The following DNAI7 variants were observed in gnomAD, a reference collection of about 807,000 sequenced individuals.
DNAI7 encodes the protein cancer susceptibility 1.
A neutral mutation model predicts 86.6 loss-of-function variants in DNAI7; 78 were observed. That is an observed-to-expected ratio of 0.90 (90% confidence interval 0.75 to 1.09). The LOEUF is 1.09. DNAI7 is among the 50% of genes least tolerant of loss of function. The pLI is 0.00. For synonymous variants in DNAI7, 274 were observed against 273.0 expected (o/e 1.00, Z -0.04); for missense variants, 753 against 810.2 (o/e 0.93, Z 0.86).
chr12:25,193,810 T>C (rs1950758212), intron 1 of DNAI7, among the ~76,000 whole-genome samples: 1 of 119,838 alleles, frequency 8.3e-6, no homozygotes, highest in Admixed American at 9.7e-5. Flanking sequence ...TGCTCTCCAC[T>C]CCCTATTTCT....
intron 4 of DNAI7, among the ~76,000 whole-genome samples, chr12:25,157,852 T>TG (rs61444895): frequency 0.18 from 26,158 of 145,134 alleles, 2,323 homozygotes; most frequent in Middle Eastern, 0.24. Context: ...TTTTTTTTTT[T>TG]GTTCCTGTTA....
In DNAI7 at chr12:25,144,376, C is replaced by T. The variant is rs1349081080; in HGVS notation, c.991G>A (p.Glu331Lys). 6.2e-7 allele frequency: 1 copy of T among 1,612,372 alleles called. No homozygotes were observed. The highest frequency in any genetic ancestry group is 1.3e-5 in the African/African-American group (1 of 74,896). ...TAAATGTGTCCTACCATTTTCACTT[C>T]AATATCACCTTGTTCCTCCTCAACT... is the stretch of plus-strand genomic sequence containing the variant. ...IKVEEEQGDI[E>K]VKMSSAEEES... The change falls in exon 9 of 16, where the codon GAA becomes AAA. Residue 331 changes from glutamate to lysine, a missense_variant. Physicochemically the swap from Glu to Lys is moderately conservative, Grantham distance 56. Transcript: ENST00000395987.
Position 25,121,741 on chromosome 12 carries a change from G to C in DNAI7, c.1239+12C>G. 6.3e-7 allele frequency: 1 copy of C among 1,586,418 alleles called. No homozygotes were observed. Among genetic ancestry groups the C allele is most frequent in the Non-Finnish European group, 8.5e-7 (1 of 1,171,130 alleles). ...ATTTTACTTATAAGTTTTGATTCAA[G>C]AATCAACCTACTTCCACAATCATCC... On this transcript the variant is annotated intron_variant, in intron 11 of 15. Transcript: ENST00000395987.
intron 2 of DNAI7, among the ~76,000 whole-genome samples, chr12:25,189,912 C>G (rs1950348205): frequency 6.7e-6 from 1 of 150,294 alleles, no homozygotes; most frequent in South Asian, 2.1e-4. Flanking sequence ...TATTTAGGCC[C>G]AATGTTATCA....
At chr12:25,178,106 T>C (rs990390846) in intron 2 of DNAI7, among the ~76,000 whole-genome samples, 7 of 152,196 alleles carry the variant, frequency 4.6e-5, no homozygotes, top group Non-Finnish European at 1.0e-4. Context: ...CTTCAGATTA[T>C]CCATTTAACT....
intron 9 of DNAI7, among the ~76,000 whole-genome samples, chr12:25,124,227 G>A (rs1018087399): frequency 2.0e-5 from 3 of 152,038 alleles, no homozygotes; most frequent in African/African-American, 7.2e-5. Context: ...GTCCCCCTTA[G>A]TAGACTAGCC....
intron 10 of DNAI7, among the ~76,000 whole-genome samples, chr12:25,122,563 T>C (rs12424711): frequency 0.014 from 2,135 of 151,916 alleles, 154 homozygotes; most frequent in Admixed American, 0.11. Flanking sequence ...TCCTAGAAGT[T>C]ATGGGGAAAG....
At chr12:25,135,029 A>C (rs1943377979) in intron 9 of DNAI7, among the ~76,000 whole-genome samples, 1 of 152,208 alleles carries the variant, frequency 6.6e-6, no homozygotes, top group Admixed American at 6.5e-5. Flanking sequence ...GGAGACTCAC[A>C]TCATGAACTT....
intron 6 of DNAI7, among the ~76,000 whole-genome samples, chr12:25,150,236 T>G (rs1306301474): frequency 6.6e-6 from 1 of 152,128 alleles, no homozygotes; most frequent in Admixed American, 6.5e-5. Context: ...GACCTCTGAT[T>G]GGGGAAAATG....
chr12:25,174,595 T>TATATATC (rs1555181700), intron 2 of DNAI7, among the ~76,000 whole-genome samples: 2 of 71,446 alleles, frequency 2.8e-5, no homozygotes, highest in Admixed American at 1.5e-4. Flanking sequence ...ATATATGGGA[T>TATATATC]ATATATATGA....
At chr12:25,108,113 C>T, downstream of DNAI7, 1 of 1,580,734 alleles carries the variant, frequency 6.3e-7, no homozygotes, top group Non-Finnish European at 8.6e-7. Flanking sequence ...AGTATCTGAA[C>T]TTCGTAAATT....
At chr12:25,171,517 T>C (rs1948133416) in intron 2 of DNAI7, among the ~76,000 whole-genome samples, 1 of 152,062 alleles carries the variant, frequency 6.6e-6, no homozygotes, top group South Asian at 2.1e-4. Context: ...ACCACACAGA[T>C]TCACAGCAGA....
intron 9 of DNAI7, among the ~76,000 whole-genome samples, chr12:25,136,546 C>A (rs1275440560): frequency 6.6e-6 from 1 of 152,094 alleles, no homozygotes; most frequent in Non-Finnish European, 1.5e-5. Context: ...AGCAGTAGAT[C>A]CAAACCATGA....
chr12:25,114,946 A>C lies in DNAI7; in HGVS notation c.1397-76T>G, dbSNP rs542216559. On this transcript the variant is annotated intron_variant, in intron 12 of 15. Transcript: ENST00000395987. ...AAAAAGATAAATGAAAGCACCAAAA[A>C]AATTGCTTTGTGTATAAATTGATCT... The C allele has an allele frequency of 4.4e-6, 5 of 1,139,960 alleles. 1 individual carries two copies. The South Asian group carries it at 7.3e-5, about 17-fold the overall frequency. 70.6% of individuals were successfully genotyped at this position (1,139,960 alleles called of 1,614,324 possible). A position where few individuals can be genotyped will look rare whatever the true frequency, so the allele number is the denominator to read the frequency against.
intron 14 of DNAI7, 56 bp from the exon 15 acceptor site, chr12:25,110,296 C>G (rs1949710538): frequency 1.0e-6 from 1 of 954,712 alleles, no homozygotes; most frequent in Admixed American, 1.8e-5. Flanking sequence ...AAGTCTTCCT[C>G]CATCTTTGGC....
intron 11 of DNAI7, among the ~76,000 whole-genome samples, chr12:25,121,150 T>C (rs1941232719): frequency 6.6e-6 from 1 of 152,188 alleles, no homozygotes; most frequent in African/African-American, 2.4e-5. Flanking sequence ...AAGTTTGAGG[T>C]GGGGCTCATT....
intron 2 of DNAI7, chr12:25,185,819 T>C (rs1055482928): frequency 3.2e-6 from 3 of 926,538 alleles, no homozygotes; most frequent in African/African-American, 1.8e-5. Context: ...GTACAGACTA[T>C]AGCAATAAGC....
At chr12:25,139,960 G>C (rs2140778405) in intron 9 of DNAI7, among the ~76,000 whole-genome samples, 1 of 152,154 alleles carries the variant, frequency 6.6e-6, no homozygotes, top group Non-Finnish European at 1.5e-5. Context: ...ATACCACATA[G>C]AATTAAAAAC....
At chr12:25,137,930 A>C (rs1214188240) in intron 9 of DNAI7, among the ~76,000 whole-genome samples, 4 of 152,314 alleles carry the variant, frequency 2.6e-5, no homozygotes, top group Non-Finnish European at 5.9e-5. Flanking sequence ...GATAGATGGC[A>C]ACACAATAAT....
Sources: allele counts gnomAD v4.1 joint callset (sites outside exome capture counted in the v4.1 genomes callset), GRCh38; gene constraint gnomAD v4.1.1; transcripts MANE v1.5; gene names NCBI Gene and HGNC (gene_info 2026-07-23, HGNC 2026-07-21).